UGT2A3: variants seen among roughly 807,000 people sequenced by gnomAD.
The protein encoded by UGT2A3 is UDP glucuronosyltransferase family 2 member A3.
UGT2A3 carries 55 observed loss-of-function variants against 44.1 expected under a neutral mutation model. That is an observed-to-expected ratio of 1.25 (90% CI 1.00 to 1.56). The LOEUF is 1.56. Ranked by LOEUF, UGT2A3 falls within the 40% of genes most tolerant of loss-of-function variation. The pLI is 0.00. For missense variants in UGT2A3, 733 were observed against 621.6 expected, an observed-to-expected ratio of 1.18 and a Z score of -1.91; for synonymous variants, 243 against 215.1, an observed-to-expected ratio of 1.13 and a Z score of -1.13.
In UGT2A3 at chr4:68,947,636, C is replaced by T. The variant is rs138906749; in HGVS notation, c.716-2182G>A. 4.6e-5 allele frequency among the ~76,000 whole-genome samples: 7 copies of T among 151,830 alleles called. No individual in the cohort carries two copies. The East Asian group carries it at 1.4e-3, about 30-fold the overall frequency. Reference sequence around the variant, plus strand: ...GAAAAGGTTTTCAATATACTTTCCCCATTAGTAAGAGCTATAGCCTTACAA... The same window carrying T: ...GAAAAGGTTTTCAATATACTTTCCCTATTAGTAAGAGCTATAGCCTTACAA... On this transcript the variant is annotated intron_variant, in intron 1 of 5. Transcript: ENST00000251566.
At chr4:68,934,965 G>T (rs1299369027) in intron 2 of UGT2A3, among the ~76,000 whole-genome samples, 1 of 151,290 alleles carries the variant, frequency 6.6e-6, no homozygotes, top group Admixed American at 6.6e-5. Context: ...GCCAATAAAT[G>T]GAAAAATCTA....
In UGT2A3 at chr4:68,945,332, A is replaced by T. The variant is rs1718343961; in HGVS notation, c.838T>A (p.Cys280Ser). The T allele has an allele frequency of 1.2e-6, 2 of 1,611,476 alleles. No individual in the cohort carries two copies. Among genetic ancestry groups the T allele is most frequent in the East Asian group, 2.2e-5 (1 of 44,718 alleles). Residue 280 changes from cysteine (C) to serine (S), a missense_variant, in exon 2 of 6, where the codon TGT becomes AGT. Cys to Ser is a moderately radical substitution (Grantham distance 112). Coordinates refer to ENST00000251566, the MANE Select transcript of UGT2A3 (RefSeq NM_024743.4). ...PNFEFVGGLH[C>S]KPAKALPKEM... ...TTAGGCAAAGCTTTGGCAGGTTTAC[A>T]GTGCAATCCTCCAACAAACTCAAAG...
chr4:68,945,261 G>A, intron 2 of UGT2A3, 45 bp downstream of exon 2: 1 of 1,602,474 alleles, frequency 6.2e-7, no homozygotes, highest in Non-Finnish European at 8.5e-7. Flanking sequence ...GGGAAAACAA[G>A]TCATGTCATA....
intron 2 of UGT2A3, among the ~76,000 whole-genome samples, chr4:68,938,815 C>T (rs1293358680): frequency 6.6e-6 from 1 of 152,098 alleles, no homozygotes; most frequent in Non-Finnish European, 1.5e-5. Context: ...TTCATCTCGG[C>T]CCAAAATCTC....
At chr4:68,930,895 C>T in intron 4 of UGT2A3, 130 bp from the exon 5 acceptor site, 4 of 821,306 alleles carry the variant, frequency 4.9e-6, no homozygotes, top group South Asian at 2.0e-5. Flanking sequence ...AAGGTGAGCA[C>T]ATGGAGCATT....
At chr4:68,942,698 C>CA (rs1233822710) in intron 2 of UGT2A3, among the ~76,000 whole-genome samples, 2 of 151,010 alleles carry the variant, frequency 1.3e-5, no homozygotes, top group Non-Finnish European at 3.0e-5. Context: ...TACGTGGAAT[C>CA]AAAAAATGCA....
chr4:68,936,864 A>G (rs1352178408), intron 2 of UGT2A3, among the ~76,000 whole-genome samples: 1 of 140,728 alleles, frequency 7.1e-6, no homozygotes, highest in Non-Finnish European at 1.5e-5. Flanking sequence ...GTGATAAAGG[A>G]AGATCTACAA....
intron 1 of UGT2A3, among the ~76,000 whole-genome samples, chr4:68,946,937 TA>T (rs1361212620): frequency 6.6e-6 from 1 of 151,732 alleles, no homozygotes; most frequent in Non-Finnish European, 1.5e-5. Context: ...AAAGTATGGC[TA>T]AAAAGTGCTA....
In UGT2A3 at chr4:68,929,813, C is replaced by G. The variant is rs367866016; in HGVS notation, c.1584G>C (p.Ter528TyrextTer9). The change falls in exon 6 of 6, where the codon TAG becomes TAC. Residue 528 changes from the stop codon to tyrosine, a stop_lost. Transcript: ENST00000251566. The part of the protein sequence containing the change: ...NKTRKIEKRE[*>Y] Reference sequence around the variant, plus strand: ...AGGTCTTTCTTGAATTTGGAAAGATCTATTCCCTCTTTTCTATCTTTCTAG... The same window carrying G: ...AGGTCTTTCTTGAATTTGGAAAGATGTATTCCCTCTTTTCTATCTTTCTAG... The G allele has an allele frequency of 1.3e-6, 2 of 1,581,390 alleles. No individual in the cohort carries two copies. The highest frequency in any genetic ancestry group is 3.5e-5 in the Admixed American group (2 of 57,612).
intron 2 of UGT2A3, among the ~76,000 whole-genome samples, chr4:68,935,701 G>T (rs1249526583): frequency 2.0e-5 from 3 of 152,014 alleles, no homozygotes; most frequent in African/African-American, 7.2e-5. Context: ...AAAGCTGGAT[G>T]GAGAATGACT....
At chr4:68,938,345 A>G (rs1182604785) in intron 2 of UGT2A3, among the ~76,000 whole-genome samples, 1 of 152,140 alleles carries the variant, frequency 6.6e-6, no homozygotes, top group Non-Finnish European at 1.5e-5. Context: ...GCATGTCAAA[A>G]ACCTTTTCCA....
chr4:68,941,369 G>T (rs1254470429), intron 2 of UGT2A3, among the ~76,000 whole-genome samples: 4 of 151,846 alleles, frequency 2.6e-5, no homozygotes, highest in Admixed American at 2.0e-4. Flanking sequence ...TGACAAAGGT[G>T]CCAAGAACAC....
At position 68,932,624 on chromosome 4, in the gene UGT2A3, T is replaced by C. The variant is rs1390751686; in HGVS notation, c.996+4A>G. ...TGCTTATCAGGATTGGAGGTTTTAC[T>C]GACCTTCTGTGGGATCTGGGCAAGG... On this transcript the variant is annotated splice_donor_region_variant and intron_variant, in intron 3 of 5. Transcript: ENST00000251566. 1.9e-6 allele frequency: 3 copies of C among 1,601,870 alleles called. No individual in the cohort carries two copies. Among genetic ancestry groups the C allele is most frequent in the East Asian group, 2.2e-5 (1 of 44,774 alleles).
At position 68,945,439 on chromosome 4, in the gene UGT2A3, A is replaced by G. The variant is rs143569132; in HGVS notation, c.731T>C (p.Leu244Ser). 16 of 1,609,334 alleles carry G rather than the reference A, an allele frequency of 9.9e-6. No individual in the cohort carries two copies. Among genetic ancestry groups the G allele is most frequent in the Non-Finnish European group, 1.4e-5 (16 of 1,177,396 alleles). ...CTCAGCTTTTCCCACAGTCTCACAT[A>G]ATGTAGTGGGCCTTCCTCAATAAAA... Reference protein sequence around the residue: ...YSKALGRPTTLCETVGKAEIW... With the variant: ...YSKALGRPTTSCETVGKAEIW... Residue 244 changes from leucine (L) to serine (S), a missense_variant, in exon 2 of 6, where the codon TTA becomes TCA. Leu to Ser is a moderately radical substitution (Grantham distance 145). Transcript: ENST00000251566.
chr4:68,951,488 A>G lies in UGT2A3; in HGVS notation c.273T>C (p.Val91=), dbSNP rs995968942. The G allele has an allele frequency of 7.4e-6, 12 of 1,612,630 alleles. No individual in the cohort carries two copies. The highest frequency in any genetic ancestry group is 8.5e-6 in the Non-Finnish European group (10 of 1,179,298). Residue 91 remains valine, a synonymous_variant, in exon 1 of 6, where the codon GTT becomes GTC. Coordinates refer to ENST00000251566, the MANE Select transcript of UGT2A3 (RefSeq NM_024743.4). The part of the protein sequence containing the change: ...QDRTEENEIF[V]DLALNVLPGL... The stretch of plus-strand genomic sequence containing the variant: ...CTGGCAAGACATTCAGAGCTAGGTC[A>G]ACAAATATTTCATTTTCTTCTGTTC...
chr4:68,929,919 C>A lies in UGT2A3; in HGVS notation c.1478G>T (p.Gly493Val), dbSNP rs757416916. The change falls in exon 6 of 6, where the codon GGG becomes GTG. Residue 493 changes from glycine to valine, a missense_variant. Transcript: ENST00000251566. ...WFQHYSIDVIGFLLACVATAI... is the reference protein window; with the variant it reads ...WFQHYSIDVIVFLLACVATAI... ...AGTTGCCACACAGGCCAGCAGGAAC[C>A]CAATCACATCTATAGAGTAGTGCTG... The A allele has an allele frequency of 6.2e-7, 1 of 1,613,476 alleles. No individual in the cohort carries two copies. Among genetic ancestry groups the A allele is most frequent in the Non-Finnish European group, 8.5e-7 (1 of 1,179,612 alleles).
intron 2 of UGT2A3, among the ~76,000 whole-genome samples, chr4:68,941,437 A>G (rs1718182840): frequency 3.3e-5 from 5 of 151,938 alleles, no homozygotes; most frequent in Admixed American, 3.3e-4. Context: ...GCATATCCAC[A>G]TGCAGAAAAT....
chr4:68,938,246 A>G (rs929731938), intron 2 of UGT2A3, among the ~76,000 whole-genome samples: 3 of 152,100 alleles, frequency 2.0e-5, no homozygotes, highest in African/African-American at 7.2e-5. Context: ...TGGCAGAGAC[A>G]CAACAAAAAA....
intron 2 of UGT2A3, among the ~76,000 whole-genome samples, chr4:68,935,193 CA>C (rs2109780910): frequency 1.3e-5 from 2 of 148,410 alleles, no homozygotes; most frequent in South Asian, 4.3e-4. Flanking sequence ...GTCAAAAAGG[CA>C]AAAACACTTC....
Sources: gnomAD v4.1 joint callset for allele counts (sites outside exome capture counted in the v4.1 genomes callset) on GRCh38, gnomAD v4.1.1 for gene constraint, MANE v1.5 for transcripts, NCBI Gene and HGNC (gene_info 2026-07-23, HGNC 2026-07-21) for gene names.